The following FBXL19 variants were observed in gnomAD, a reference collection of about 807,000 sequenced individuals.
The protein encoded by FBXL19 is F-box/LRR-repeat protein 19.
A neutral mutation model predicts 71.2 loss-of-function variants in FBXL19; 16 were observed. The observed-to-expected ratio is 0.22, with a 90% CI of 0.15 to 0.34. FBXL19 has a LOEUF of 0.34. Ranked by LOEUF, FBXL19 falls within the 10% of genes least tolerant of loss-of-function variation. FBXL19 has a pLI of 1.00. For synonymous variants in FBXL19, 447 were observed against 409.4 expected (o/e 1.09, Z -1.11); for missense variants, 658 against 968.2 (o/e 0.68, Z 4.25).
chr16:30,927,385 G>T lies in FBXL19; in HGVS notation c.255G>T (p.Glu85Asp), dbSNP rs2055604429. 3 of 1,593,564 alleles carry T rather than the reference G, an allele frequency of 1.9e-6. No individual in the cohort carries two copies. Among genetic ancestry groups the T allele is most frequent in the Non-Finnish European group, 1.7e-6 (2 of 1,169,958 alleles). Residue 85 changes from glutamate (E) to aspartate (D), a missense_variant, in exon 3 of 11, where the codon GAG becomes GAT. Coordinates refer to ENST00000338343, the MANE Select transcript of FBXL19 (RefSeq NM_001382779.1). ...AGGACACGGTGGAGGGAGAGGAAGA[G>T]AAATTTGGTTTGAGCCTCATGGAGT... The part of the protein sequence containing the change: ...GKEDTVEGEE[E>D]KFGLSLMECT...
At chr16:30,939,695 C>T (rs953471543) in intron 7 of FBXL19, among the ~76,000 whole-genome samples, 3 of 151,620 alleles carry the variant, frequency 2.0e-5, no homozygotes, top group East Asian at 3.9e-4. Context: ...TGGGATTACA[C>T]GCATGAGCCA....
chr16:30,925,845 G>A lies in FBXL19; in HGVS notation c.91G>A (p.Gly31Arg). 1.3e-6 allele frequency: 2 copies of A among 1,513,176 alleles called. No homozygotes were observed. Among genetic ancestry groups the A allele is most frequent in the Non-Finnish European group, 8.8e-7 (1 of 1,134,702 alleles). The allele number at this position is 1,513,176 out of a possible 1,614,324, so 93.7% of individuals were successfully genotyped here. Reference protein sequence around the residue: ...RCRACVRTECGDCHFCRDMKK... With the variant: ...RCRACVRTECRDCHFCRDMKK... ...CCGGGCCTGTGTGCGAACTGAGTGC[G>A]GGGATTGCCACTTCTGCCGAGACAT... is the stretch of plus-strand genomic sequence containing the variant. The change falls in exon 2 of 11, where the codon GGG becomes AGG. Residue 31 changes from glycine to arginine, a missense_variant. Coordinates refer to ENST00000338343, the MANE Select transcript of FBXL19 (RefSeq NM_001382779.1). This position sits in a 1 kb window ranked among gnomAD's most constrained non-coding sequence, Gnocchi z 5.0.
At position 30,942,173 on chromosome 16, in the gene FBXL19, C is replaced by G. The variant is rs1485736787; in HGVS notation, c.1359C>G (p.Thr453=). 7 of 1,597,070 alleles carry G rather than the reference C, an allele frequency of 4.4e-6. No homozygotes were observed. The highest frequency in any genetic ancestry group is 3.5e-5 in the Admixed American group (2 of 57,580). Residue 453 remains threonine (T), a synonymous_variant, in exon 8 of 11, where the codon ACC becomes ACG. Coordinates refer to ENST00000338343, the MANE Select transcript of FBXL19 (RefSeq NM_001382779.1). The surrounding 1 kb of genome is among the most constrained non-coding windows in gnomAD (Gnocchi z 5.7). ...RMDLSRRKSL[T]PPMLSGVVRR... is the part of the protein sequence containing the mutation. ...ACCTGAGCCGGCGGAAGTCACTGACCCCGCCCATGCTCAGTGGTGTGGTTC... is the reference window on the plus strand; with the variant it reads ...ACCTGAGCCGGCGGAAGTCACTGACGCCGCCCATGCTCAGTGGTGTGGTTC...
At chr16:30,935,010 C>G (rs2055716177) in intron 7 of FBXL19, among the ~76,000 whole-genome samples, 1 of 152,064 alleles carries the variant, frequency 6.6e-6, no homozygotes. Context: ...GAGGTGTGCC[C>G]CCGAGTAGAG....
Position 30,942,284 on chromosome 16 carries a change from G to T in FBXL19, c.1465+5G>T. The T allele has an allele frequency of 6.3e-7, 1 of 1,599,448 alleles. No homozygotes were observed. Among genetic ancestry groups the T allele is most frequent in the Non-Finnish European group, 8.5e-7 (1 of 1,172,392 alleles). The stretch of plus-strand genomic sequence containing the variant: ...GGCTTCTGAACCGACTACAAGGTAG[G>T]GTGTGTGGTACGGAGGACAGGGTGG... On this transcript the variant is annotated splice_donor_5th_base_variant and intron_variant, in intron 8 of 10. Coordinates refer to ENST00000338343, the MANE Select transcript of FBXL19 (RefSeq NM_001382779.1). This position sits in a 1 kb window ranked among gnomAD's most constrained non-coding sequence, Gnocchi z 5.7.
chr16:30,942,218 G>A lies in FBXL19; in HGVS notation c.1404G>A (p.Leu468=). The A allele has an allele frequency of 6.3e-7, 1 of 1,593,016 alleles. No individual in the cohort carries two copies. The highest frequency in any genetic ancestry group is 8.5e-7 in the Non-Finnish European group (1 of 1,169,960). The change falls in exon 8 of 11, where the codon CTG becomes CTA. Residue 468 remains leucine (L), a synonymous_variant. Transcript: ENST00000338343. This position sits in a 1 kb window ranked among gnomAD's most constrained non-coding sequence, Gnocchi z 5.7. ...TGGTTCGCCGCCAGCCCCGTGCCCTGGACCTCAGCTGGACAGGTGTCTCCA... is the reference window on the plus strand; with the variant it reads ...TGGTTCGCCGCCAGCCCCGTGCCCTAGACCTCAGCTGGACAGGTGTCTCCA... ...SGVVRRQPRA[L]DLSWTGVSKK...
Position 30,946,833 on chromosome 16 carries a change from C to G in FBXL19, c.1731C>G (p.Pro577=). 1 of 1,612,580 alleles carries G rather than the reference C, an allele frequency of 6.2e-7. No individual in the cohort carries two copies. The highest frequency in any genetic ancestry group is 1.3e-5 in the African/African-American group (1 of 75,012). The change falls in exon 10 of 11, where the codon CCC becomes CCG. Residue 577 remains proline (P), a synonymous_variant. Transcript: ENST00000338343. The surrounding 1 kb of genome is among the most constrained non-coding windows in gnomAD (Gnocchi z 6.7). ...TGCGTCTCCTGCTGCGTCACGCACCCCAGCTGAGCGCCCTGGACCTGAGCC... is the reference window on the plus strand; with the variant it reads ...TGCGTCTCCTGCTGCGTCACGCACCGCAGCTGAGCGCCCTGGACCTGAGCC... ...ASLRLLLRHA[P]QLSALDLSHC...
chr16:30,942,556 T>C lies in FBXL19; in HGVS notation c.1627+20T>C, dbSNP rs1487240669. On this transcript the variant is annotated intron_variant, in intron 9 of 10. Transcript: ENST00000338343. This position sits in a 1 kb window ranked among gnomAD's most constrained non-coding sequence, Gnocchi z 5.7. ...AACCAGGTGCAACCTCTGTTTGCTTTTCTGGAGAATGGGCTGGGCAAGGGT... is the reference window on the plus strand; with the variant it reads ...AACCAGGTGCAACCTCTGTTTGCTTCTCTGGAGAATGGGCTGGGCAAGGGT... The C allele has an allele frequency of 2.6e-6, 4 of 1,559,038 alleles. No homozygotes were observed. The Admixed American group carries it at 5.6e-5, about 22-fold the overall frequency.
Position 30,942,194 on chromosome 16 carries a change from G to T in FBXL19, c.1380G>T (p.Val460=). The change falls in exon 8 of 11, where the codon GTG becomes GTT. Residue 460 remains valine (V), a synonymous_variant. Coordinates refer to ENST00000338343, the MANE Select transcript of FBXL19 (RefSeq NM_001382779.1). The surrounding 1 kb of genome is among the most constrained non-coding windows in gnomAD (Gnocchi z 5.7). ...KSLTPPMLSG[V]VRRQPRALDL... is the part of the protein sequence containing the mutation. ...TGACCCCGCCCATGCTCAGTGGTGTGGTTCGCCGCCAGCCCCGTGCCCTGG... is the reference window on the plus strand; with the variant it reads ...TGACCCCGCCCATGCTCAGTGGTGTTGTTCGCCGCCAGCCCCGTGCCCTGG... The T allele has an allele frequency of 6.3e-7, 1 of 1,594,040 alleles. No homozygotes were observed. Among genetic ancestry groups the T allele is most frequent in the Non-Finnish European group, 8.5e-7 (1 of 1,170,698 alleles).
intron 9 of FBXL19, among the ~76,000 whole-genome samples, chr16:30,944,638 GC>G (rs2055839939): frequency 6.6e-6 from 1 of 152,072 alleles, no homozygotes; most frequent in Admixed American, 6.6e-5. Context: ...TGTGAACAGT[GC>G]CATACACCTT....
At chr16:30,934,983 G>A (rs1399135581) in intron 7 of FBXL19, among the ~76,000 whole-genome samples, 1 of 152,218 alleles carries the variant, frequency 6.6e-6, no homozygotes, top group African/African-American at 2.4e-5. Flanking sequence ...CCAGATAATT[G>A]GAGGAGCTCA....
chr16:30,926,839 A>AG (rs2055597851), intron 2 of FBXL19, among the ~76,000 whole-genome samples: 1 of 152,066 alleles, frequency 6.6e-6, no homozygotes, highest in Admixed American at 6.5e-5. Context: ...TAGTGTTCCC[A>AG]GGGGGTCTTG....
chr16:30,928,162 G>A (rs1367950052), intron 5 of FBXL19, among the ~76,000 whole-genome samples, 199 bp downstream of exon 5: 2 of 151,900 alleles, frequency 1.3e-5, no homozygotes, highest in African/African-American at 2.4e-5. Context: ...CAGGTGAGGT[G>A]AGCTGGCACT....
intron 7 of FBXL19, among the ~76,000 whole-genome samples, chr16:30,933,742 C>G (rs936860290): frequency 6.6e-6 from 1 of 151,150 alleles, no homozygotes; most frequent in Non-Finnish European, 1.5e-5. Flanking sequence ...TGAGCCACTG[C>G]GCCCGGCCAA....
rs1372528345 is a variant in FBXL19 at position 30,948,115 on chromosome 16, GGT to G, written c.*887_*888del. ...TTGGACTGAGACCTGAGACCGGGCCGGTGGGCGCCCATTTGGGACTGCGCCAC... is the reference window on the plus strand; with the variant it reads ...TTGGACTGAGACCTGAGACCGGGCCGGGGCGCCCATTTGGGACTGCGCCAC... On this transcript the variant is annotated 3_prime_UTR_variant, in exon 11 of 11. Coordinates refer to ENST00000338343, the MANE Select transcript of FBXL19 (RefSeq NM_001382779.1). The G allele has an allele frequency of 4.4e-6, 1 of 227,266 alleles. No homozygotes were observed. The highest frequency in any genetic ancestry group is 2.3e-5 in the African/African-American group (1 of 42,814). 14.1% of individuals were successfully genotyped at this position (227,266 alleles called of 1,614,324 possible). A position where few individuals can be genotyped will look rare whatever the true frequency, so the allele number is the denominator to read the frequency against.
intron 7 of FBXL19, among the ~76,000 whole-genome samples, chr16:30,931,569 C>T (rs2055674238): frequency 2.0e-5 from 3 of 152,040 alleles, no homozygotes; most frequent in African/African-American, 7.3e-5. Flanking sequence ...AAAAGGGATA[C>T]CTGAAGTTAC....
intron 2 of FBXL19, 87 bp downstream of exon 2, chr16:30,926,018 T>C (rs979523386): frequency 4.4e-6 from 6 of 1,360,202 alleles, no homozygotes; most frequent in Non-Finnish European, 5.7e-6. Context: ...GCCTGTACTG[T>C]GGAGTGGCTG....
Position 30,947,068 on chromosome 16 carries a change from G to A in FBXL19, c.1863G>A (p.Thr621=), listed in dbSNP as rs753909744. ...HLNLAGCHRL[T]DHCLPLFRRC... ...CATCCCCAGGTTGCCACCGCCTAAC[G>A]GACCACTGCCTCCCGCTGTTCCGCC... Residue 621 remains threonine (T), a synonymous_variant, in exon 11 of 11, where the codon ACG becomes ACA. Transcript: ENST00000338343. 6.9e-6 allele frequency: 11 copies of A among 1,594,980 alleles called. No homozygotes were observed. The highest frequency in any genetic ancestry group is 2.7e-5 in the African/African-American group (2 of 74,598).
At chr16:30,936,607 T>C (rs1330074079) in intron 7 of FBXL19, among the ~76,000 whole-genome samples, 1 of 147,512 alleles carries the variant, frequency 6.8e-6, no homozygotes. Context: ...TTTTCTTTTT[T>C]TTTTTTTTTT....
Sources: gnomAD v4.1 joint callset for allele counts (sites outside exome capture counted in the v4.1 genomes callset) on GRCh38, gnomAD v4.1.1 for gene constraint, Gnocchi (gnomAD v3.1) non-coding constraint, MANE v1.5 for transcripts, NCBI Gene and HGNC (gene_info 2026-07-23, HGNC 2026-07-21) for gene names.